SLC45A4: variants seen among roughly 807,000 people sequenced by gnomAD.
SLC45A4 encodes solute carrier family 45 member 4.
Under a neutral mutation model 63.7 loss-of-function variants are expected in SLC45A4, and 32 were observed. The ratio of observed to expected loss-of-function variants is 0.50; its 90% CI spans 0.38 to 0.67. The LOEUF is 0.67. SLC45A4 is among the 30% of genes least tolerant of loss of function. The pLI is 0.00. For synonymous variants in SLC45A4, 535 were observed against 510.0 expected (o/e 1.05, Z -0.66); for missense variants, 1,027 against 1,157.7 (o/e 0.89, Z 1.64).
chr8:141,281,305 C>T (rs923496783), intron 1 of SLC45A4, among the ~76,000 whole-genome samples: 2 of 152,224 alleles, frequency 1.3e-5, no homozygotes, highest in Non-Finnish European at 2.9e-5. Flanking sequence ...CGCCACCGTA[C>T]TCCAGCCTGG....
At chr8:141,224,445 GT>G (rs1051689741) in intron 2 of SLC45A4, 1 of 131,344 alleles carries the variant, frequency 7.6e-6, no homozygotes, top group Non-Finnish European at 1.8e-5. Flanking sequence ...AAAGCTGTGA[GT>G]TTTTTGGTTT....
chr8:141,306,829 T>C (rs1830910267), intron 1 of SLC45A4, among the ~76,000 whole-genome samples: 1 of 152,190 alleles, frequency 6.6e-6, no homozygotes, highest in Non-Finnish European at 1.5e-5. Flanking sequence ...ATTCAGAATC[T>C]ACCAGCCCAC....
At chr8:141,212,026 T>C in intron 8 of SLC45A4, 171 bp downstream of exon 8, 1 of 1,339,458 alleles carries the variant, frequency 7.5e-7, no homozygotes, top group Non-Finnish European at 9.5e-7. Context: ...ACCCTACGAC[T>C]ACTGAATTGT....
In SLC45A4 at chr8:141,218,190, C is replaced by T. The variant is rs1826299949; in HGVS notation, c.1450G>A (p.Glu484Lys). Residue 484 changes from glutamate to lysine, a missense_variant, in exon 5 of 9, where the codon GAG becomes AAG. Coordinates refer to ENST00000517878, the MANE Select transcript of SLC45A4 (RefSeq NM_001286646.2). The stretch of plus-strand genomic sequence containing the variant: ...GTCTCGCCCTCCCCCTCCTCACTCT[C>T]GGTGTCCCCGCTGGAGGTGGTGGCC... ...SGATTSSGDT[E>K]SEEGEGETTV... 4 of 1,604,126 alleles carry T rather than the reference C, an allele frequency of 2.5e-6. No individual in the cohort carries two copies. The highest frequency in any genetic ancestry group is 3.4e-6 in the Non-Finnish European group (4 of 1,179,872).
intron 1 of SLC45A4, among the ~76,000 whole-genome samples, chr8:141,266,885 C>T (rs946881556): frequency 2.0e-5 from 3 of 152,172 alleles, no homozygotes; most frequent in Admixed American, 6.5e-5. Context: ...AAATGTCCGC[C>T]ATCACTCTAC....
Position 141,219,771 on chromosome 8 carries a change from C to A in SLC45A4, c.489G>T (p.Leu163=). The change falls in exon 4 of 9, where the codon CTG becomes CTT. Residue 163 remains leucine, a synonymous_variant. Coordinates refer to ENST00000517878, the MANE Select transcript of SLC45A4 (RefSeq NM_001286646.2). ...RQPIGIVLTV[L]GVVVLDFSAD... ...CGCTGAAGTCCAGGACCACCACTCCCAGCACCGTGAGCACGATGCCAATGG... is the reference window on the plus strand; with the variant it reads ...CGCTGAAGTCCAGGACCACCACTCCAAGCACCGTGAGCACGATGCCAATGG... The A allele has an allele frequency of 6.2e-7, 1 of 1,600,110 alleles. No individual in the cohort carries two copies. Among genetic ancestry groups the A allele is most frequent in the Non-Finnish European group, 8.5e-7 (1 of 1,173,954 alleles).
intron 2 of SLC45A4, among the ~76,000 whole-genome samples, chr8:141,240,033 G>A (rs116888424): frequency 6.6e-6 from 1 of 152,206 alleles, no homozygotes; most frequent in Non-Finnish European, 1.5e-5. Flanking sequence ...ACAACAAACC[G>A]TATCCTAGGA....
chr8:141,254,089 G>T lies in SLC45A4; in HGVS notation c.141C>A (p.Ile47=). 1 of 1,536,166 alleles carries T rather than the reference G, an allele frequency of 6.5e-7. No individual in the cohort carries two copies. Among genetic ancestry groups the T allele is most frequent in the South Asian group, 1.2e-5 (1 of 84,062 alleles). Residue 47 remains isoleucine (I), a synonymous_variant, in exon 2 of 9, where the codon ATC becomes ATA. Coordinates refer to ENST00000517878, the MANE Select transcript of SLC45A4 (RefSeq NM_001286646.2). The surrounding 1 kb of genome is among the most constrained non-coding windows in gnomAD (Gnocchi z 4.5). The part of the protein sequence containing the change: ...ETISEGSIDR[I]PMRLWVMHGA... ...CGTGCATCACCCACAGGCGCATGGG[G>T]ATTCGGTCTATGGACCCCTCGCTGA...
chr8:141,307,630 G>T (rs1830939583), intron 1 of SLC45A4, among the ~76,000 whole-genome samples: 1 of 152,142 alleles, frequency 6.6e-6, no homozygotes, highest in Non-Finnish European at 1.5e-5. Flanking sequence ...ATCGCTGGTT[G>T]AATTCTCATA....
intron 2 of SLC45A4, among the ~76,000 whole-genome samples, chr8:141,253,667 G>T (rs1484351833): frequency 6.6e-6 from 1 of 152,198 alleles, no homozygotes; most frequent in East Asian, 1.9e-4. Context: ...TGTTCACTGT[G>T]GCCTGGCAGG....
rs994516948 is a variant in SLC45A4 at position 141,215,637 on chromosome 8, G to C, written c.1941+122C>G. The C allele has an allele frequency of 4.1e-6, 4 of 984,520 alleles. No homozygotes were observed. Among genetic ancestry groups the C allele is most frequent in the Non-Finnish European group, 6.1e-6 (4 of 655,370 alleles). 61.0% of individuals were successfully genotyped at this position (984,520 alleles called of 1,614,324 possible). On this transcript the variant is annotated intron_variant, in intron 7 of 8. Transcript: ENST00000517878. The surrounding 1 kb of genome is among the most constrained non-coding windows in gnomAD (Gnocchi z 4.3). ...TTTGGAAGGGGCCATCTCAGAACCGGAGAGGAAGGAGGGCCATCTGTGTCG... is the reference window on the plus strand; with the variant it reads ...TTTGGAAGGGGCCATCTCAGAACCGCAGAGGAAGGAGGGCCATCTGTGTCG...
intron 1 of SLC45A4, among the ~76,000 whole-genome samples, chr8:141,277,863 C>T (rs190181972): frequency 3.3e-5 from 5 of 152,162 alleles, no homozygotes; most frequent in Admixed American, 2.6e-4. Flanking sequence ...AGGATGCTCT[C>T]GATCTCCTGA....
intron 1 of SLC45A4, among the ~76,000 whole-genome samples, chr8:141,265,301 T>TCCC (rs774786429): frequency 3.7e-4 from 56 of 152,156 alleles, no homozygotes; most frequent in Non-Finnish European, 6.5e-4. Context: ...TTGAAATCCT[T>TCCC]CCCTTCACGG....
chr8:141,273,353 G>C (rs1206180317), intron 1 of SLC45A4, among the ~76,000 whole-genome samples: 5 of 152,216 alleles, frequency 3.3e-5, no homozygotes, highest in African/African-American at 4.8e-5. Context: ...ACGGTGGCAT[G>C]CTTCTAGCCT....
intron 2 of SLC45A4, among the ~76,000 whole-genome samples, chr8:141,223,820 C>T (rs145938089): frequency 1.0e-3 from 159 of 152,334 alleles, no homozygotes; most frequent in African/African-American, 3.5e-3. Context: ...TAGCTGCTCA[C>T]TCCTCTCTCT....
intron 1 of SLC45A4, among the ~76,000 whole-genome samples, chr8:141,295,835 C>T (rs1325321341): frequency 2.0e-5 from 3 of 152,238 alleles, no homozygotes; most frequent in Non-Finnish European, 4.4e-5. Flanking sequence ...AGCCAGCAGC[C>T]CTGCACCGCC....
chr8:141,219,597 C>A, intron 4 of SLC45A4, 53 bp downstream of exon 4: 1 of 1,551,936 alleles, frequency 6.4e-7, no homozygotes, highest in Non-Finnish European at 8.7e-7. Context: ...CTCCCCACAC[C>A]AGGCCCGGGC....
chr8:141,261,758 T>C (rs1589827176), intron 1 of SLC45A4, among the ~76,000 whole-genome samples: 1 of 152,188 alleles, frequency 6.6e-6, no homozygotes. Context: ...TCCATGCTCA[T>C]GGGTAGGAAG....
chr8:141,262,975 CAAT>C (rs1448809570), intron 1 of SLC45A4, among the ~76,000 whole-genome samples: 1 of 151,486 alleles, frequency 6.6e-6, no homozygotes. Flanking sequence ...AAATGTCCAA[CAAT>C]GATAGACTGG....
Sources: gnomAD v4.1 joint callset for allele counts (sites outside exome capture counted in the v4.1 genomes callset) on GRCh38, gnomAD v4.1.1 for gene constraint, Gnocchi (gnomAD v3.1) non-coding constraint, MANE v1.5 for transcripts, NCBI Gene and HGNC (gene_info 2026-07-23, HGNC 2026-07-21) for gene names.